Variants in AUTS2 observed in about 807,000 individuals in gnomAD.
The protein encoded by AUTS2 is activator of transcription and developmental regulator AUTS2.
AUTS2 carries 17 observed loss-of-function variants against 112.4 expected under a neutral mutation model. The ratio of observed to expected loss-of-function variants is 0.15; its 90% CI spans 0.10 to 0.23. AUTS2 has a LOEUF of 0.23. AUTS2 is among the 10% of genes least tolerant of loss of function. The pLI is 1.00. For missense variants in AUTS2, 1,510 were observed against 1,701.6 expected (o/e 0.89, Z 1.98); for synonymous variants, 751 against 702.7 (o/e 1.07, Z -1.09).
intron 2 of AUTS2, among the ~76,000 whole-genome samples, chr7:70,053,543 G>GTTTTTTTTTTTTTTTTTTTTTTTTTTT (rs1563067760): frequency 9.9e-6 from 1 of 101,002 alleles, no homozygotes; most frequent in East Asian, 2.9e-4. Flanking sequence ...TGTTTTGGGT[G>GTTTTTTTTTTTTTTTTTTTTTTTTTTT]GTTTTTTTTT....
intron 6 of AUTS2, among the ~76,000 whole-genome samples, chr7:70,753,166 G>A (rs1160196811): frequency 6.6e-6 from 1 of 152,092 alleles, no homozygotes; most frequent in Non-Finnish European, 1.5e-5. Flanking sequence ...CTAGATGATA[G>A]CCAAACTAGC....
chr7:69,784,554 G>A (rs1033334488), intron 1 of AUTS2, among the ~76,000 whole-genome samples: 4 of 152,338 alleles, frequency 2.6e-5, no homozygotes, highest in African/African-American at 2.4e-5. Context: ...AGATAGTTGT[G>A]TTTTAATTTC....
chr7:70,037,668 C>G (rs1010388640), intron 2 of AUTS2, among the ~76,000 whole-genome samples: 2 of 152,020 alleles, frequency 1.3e-5, no homozygotes, highest in Non-Finnish European at 2.9e-5. Flanking sequence ...AAATTGAGAA[C>G]ATCTGGAGGC....
chr7:70,140,996 CTGAT>C (rs564984841), intron 4 of AUTS2, among the ~76,000 whole-genome samples: 82 of 152,188 alleles, frequency 5.4e-4, no homozygotes, highest in African/African-American at 1.8e-3. Flanking sequence ...GCAAAGCAAA[CTGAT>C]TGGTCTATGA....
chr7:70,380,224 T>G (rs79302499), intron 4 of AUTS2, among the ~76,000 whole-genome samples: 1,689 of 152,318 alleles, frequency 0.011, 14 homozygotes, highest in Non-Finnish European at 0.018. Flanking sequence ...CTCTCCTCTT[T>G]TCTGATTAAT....
chr7:70,288,712 A>G (rs938148957), intron 4 of AUTS2, among the ~76,000 whole-genome samples: 3 of 152,192 alleles, frequency 2.0e-5, no homozygotes, highest in Admixed American at 6.5e-5. Flanking sequence ...TAAAAGATGT[A>G]TAAATGAAGA....
chr7:69,607,527 A>T (rs535282814), intron 1 of AUTS2, among the ~76,000 whole-genome samples: 105 of 152,332 alleles, frequency 6.9e-4, no homozygotes, highest in African/African-American at 2.5e-3. Context: ...TCTAAAGGTG[A>T]ATTGCTTGCC....
chr7:69,716,932 G>C (rs1798639795), intron 1 of AUTS2, among the ~76,000 whole-genome samples: 1 of 152,140 alleles, frequency 6.6e-6, no homozygotes, highest in African/African-American at 2.4e-5. Flanking sequence ...GGAGAGAAGG[G>C]GAGTGAGTGG....
chr7:70,592,622 C>T (rs946109896), intron 5 of AUTS2, among the ~76,000 whole-genome samples: 23 of 152,068 alleles, frequency 1.5e-4, no homozygotes, highest in African/African-American at 5.3e-4. Context: ...CCTGTCCTCC[C>T]GAAGTGCTGG....
At chr7:70,164,901 T>G (rs1278105416) in intron 4 of AUTS2, among the ~76,000 whole-genome samples, 1 of 152,040 alleles carries the variant, frequency 6.6e-6, no homozygotes, top group Non-Finnish European at 1.5e-5. Flanking sequence ...CAACAAAATC[T>G]GACATGCAAA....
At chr7:70,276,930 T>C (rs1787956255) in intron 4 of AUTS2, among the ~76,000 whole-genome samples, 1 of 152,054 alleles carries the variant, frequency 6.6e-6, no homozygotes, top group Non-Finnish European at 1.5e-5. Context: ...ATAGTTAAGA[T>C]TGCATCCGGA....
intron 4 of AUTS2, among the ~76,000 whole-genome samples, chr7:70,395,868 A>G (rs766110126): frequency 5.9e-5 from 9 of 152,224 alleles, no homozygotes; most frequent in Non-Finnish European, 8.8e-5. Context: ...CATGTTAGGT[A>G]ATTCCAAGAT....
At chr7:69,886,355 A>G (rs1321049133) in intron 1 of AUTS2, among the ~76,000 whole-genome samples, 2 of 152,352 alleles carry the variant, frequency 1.3e-5, no homozygotes, top group Middle Eastern at 3.4e-3. Flanking sequence ...TTATTCCTTT[A>G]GTAGTAATTA....
At chr7:70,454,741 G>A (rs977564122) in intron 5 of AUTS2, among the ~76,000 whole-genome samples, 15 of 152,134 alleles carry the variant, frequency 9.9e-5, no homozygotes, top group African/African-American at 3.6e-4. Flanking sequence ...ATCCACTGAG[G>A]AGGAAAGTGG....
intron 5 of AUTS2, among the ~76,000 whole-genome samples, chr7:70,648,239 G>A (rs1044231175): frequency 4.6e-5 from 7 of 152,066 alleles, no homozygotes; most frequent in African/African-American, 9.7e-5. Context: ...ATAGTACTCC[G>A]CCCCCCTCCA....
chr7:70,299,025 A>G (rs1789076053), intron 4 of AUTS2, among the ~76,000 whole-genome samples: 1 of 152,260 alleles, frequency 6.6e-6, no homozygotes, highest in Non-Finnish European at 1.5e-5. Context: ...AGCAATTCTT[A>G]GATAACATTT....
chr7:70,289,501 A>T (rs567082258), intron 4 of AUTS2, among the ~76,000 whole-genome samples: 1 of 152,332 alleles, frequency 6.6e-6, no homozygotes, highest in South Asian at 2.1e-4. Flanking sequence ...CATAAGATTT[A>T]CATCCCTCAG....
At chr7:69,990,819 C>T (rs1437271328) in intron 2 of AUTS2, among the ~76,000 whole-genome samples, 1 of 152,020 alleles carries the variant, frequency 6.6e-6, no homozygotes, top group Non-Finnish European at 1.5e-5. Flanking sequence ...GTTGAGCATC[C>T]CAAATATGAA....
intron 2 of AUTS2, among the ~76,000 whole-genome samples, chr7:70,009,978 T>G (rs957840770): frequency 1.4e-4 from 21 of 152,226 alleles, no homozygotes; most frequent in African/African-American, 5.1e-4. Flanking sequence ...CATGTCAAAA[T>G]GTTTTTTAAA....
Sources: gnomAD v4.1 joint callset for allele counts (sites outside exome capture counted in the v4.1 genomes callset) on GRCh38, gnomAD v4.1.1 for gene constraint, MANE v1.5 for transcripts, NCBI Gene and HGNC (gene_info 2026-07-23, HGNC 2026-07-21) for gene names.